ROBO1: variants seen among roughly 807,000 people sequenced by gnomAD.
ROBO1 encodes roundabout guidance receptor 1, also known as roundabout homolog 1.
In ROBO1, 149 loss-of-function variants were observed where a neutral mutation model predicts 195.9. That is an observed-to-expected ratio of 0.76 (90% CI 0.67 to 0.87). ROBO1 has a LOEUF of 0.87. ROBO1 is among the 40% of genes least tolerant of loss of function. ROBO1 has a pLI of 0.00. For synonymous variants in ROBO1, 816 were observed against 733.2 expected, an observed-to-expected ratio of 1.11 and a Z score of -1.82; for missense variants, 1,933 against 2,068.3, an observed-to-expected ratio of 0.93 and a Z score of 1.27.
chr3:78,689,412 C>T (rs560126073), intron 8 of ROBO1, among the ~76,000 whole-genome samples: 28 of 152,018 alleles, frequency 1.8e-4, no homozygotes, highest in African/African-American at 6.8e-4. Context: ...TTGATTTAAA[C>T]CGATTTAAAT....
intron 3 of ROBO1, among the ~76,000 whole-genome samples, chr3:79,052,551 C>T (rs115902920): frequency 0.032 from 4,883 of 152,146 alleles, 106 homozygotes; most frequent in Middle Eastern, 0.068. Flanking sequence ...CCTTTTGAAA[C>T]TCCTAATAGA....
intron 8 of ROBO1, among the ~76,000 whole-genome samples, chr3:78,702,059 A>G (rs1485339282): frequency 6.6e-6 from 1 of 152,210 alleles, no homozygotes; most frequent in East Asian, 1.9e-4. Flanking sequence ...ATTTTTAAAA[A>G]CTAAAAAAGA....
chr3:79,003,631 C>A (rs548724018), intron 3 of ROBO1, among the ~76,000 whole-genome samples: 1 of 152,160 alleles, frequency 6.6e-6, no homozygotes, highest in East Asian at 1.9e-4. Flanking sequence ...AGAAATTGTA[C>A]GCATTTTACT....
chr3:79,279,359 T>C (rs2031323364), intron 2 of ROBO1, among the ~76,000 whole-genome samples: 1 of 152,056 alleles, frequency 6.6e-6, no homozygotes, highest in African/African-American at 2.4e-5. Context: ...ATAGAAGGCA[T>C]ACAAATGGCC....
At position 78,985,219 on chromosome 3, in the gene ROBO1, G is replaced by A. The variant is rs182845390; in HGVS notation, c.173-46292C>T. ...GGAGGCTGAGGTGGGAGGATCGCTTGAGCCCAAAAAGTTGAGGCTGCAATG... is the reference window on the plus strand; with the variant it reads ...GGAGGCTGAGGTGGGAGGATCGCTTAAGCCCAAAAAGTTGAGGCTGCAATG... On this transcript the variant is annotated intron_variant, in intron 3 of 30. Coordinates refer to ENST00000464233, the MANE Select transcript of ROBO1 (RefSeq NM_002941.4). Among the ~76,000 whole-genome samples the A allele has an allele frequency of 3.4e-4, 51 of 152,122 alleles. No homozygotes were observed. In the East Asian group the frequency reaches 9.5e-3, roughly 28 times the overall value.
intron 8 of ROBO1, among the ~76,000 whole-genome samples, chr3:78,710,964 T>C (rs933504908): frequency 2.0e-5 from 3 of 152,234 alleles, no homozygotes; most frequent in African/African-American, 4.8e-5. Context: ...ACTTAACAAG[T>C]AACTTCCGGT....
intron 2 of ROBO1, among the ~76,000 whole-genome samples, chr3:79,390,545 C>T (rs899603332): frequency 6.6e-6 from 1 of 152,106 alleles, no homozygotes; most frequent in African/African-American, 2.4e-5. Flanking sequence ...GGTGTGACGT[C>T]ATGGAAGCCA....
At chr3:79,552,268 A>G (rs1335798277) in intron 2 of ROBO1, among the ~76,000 whole-genome samples, 1 of 152,066 alleles carries the variant, frequency 6.6e-6, no homozygotes, top group East Asian at 1.9e-4. Flanking sequence ...ATATTAACAT[A>G]TTAAAGATGC....
intron 4 of ROBO1, among the ~76,000 whole-genome samples, chr3:78,882,176 A>G (rs1422532382): frequency 6.6e-6 from 1 of 152,148 alleles, no homozygotes; most frequent in Non-Finnish European, 1.5e-5. Flanking sequence ...GTAGAGATAC[A>G]GGGCTACATT....
rs948747095 is a variant in ROBO1 at position 79,537,714 on chromosome 3, A to G, written c.88+52110T>C. 2.6e-5 allele frequency among the ~76,000 whole-genome samples: 4 copies of G among 151,986 alleles called. No individual in the cohort carries two copies. In the East Asian group the frequency reaches 7.8e-4, roughly 29 times the overall value. On this transcript the variant is annotated intron_variant, in intron 2 of 30. Transcript: ENST00000464233. ...AACACGAGGACATAGGGAGGGGAAC[A>G]TCACACACGGGGTCCTGTTGGGGGA...
At chr3:79,174,644 G>GAAT (rs1371162545) in intron 2 of ROBO1, among the ~76,000 whole-genome samples, 2 of 151,728 alleles carry the variant, frequency 1.3e-5, no homozygotes, top group Non-Finnish European at 2.9e-5. Context: ...AGCAAACGGT[G>GAAT]AATACATTTG....
chr3:78,666,839 C>T (rs1575878990), intron 14 of ROBO1, among the ~76,000 whole-genome samples: 1 of 152,150 alleles, frequency 6.6e-6, no homozygotes, highest in Non-Finnish European at 1.5e-5. Flanking sequence ...AAGTCTCAGT[C>T]ATCTTGTGTA....
At chr3:79,686,368 C>A (rs1168358061) in intron 1 of ROBO1, among the ~76,000 whole-genome samples, 1 of 152,058 alleles carries the variant, frequency 6.6e-6, no homozygotes, top group East Asian at 1.9e-4. Flanking sequence ...AAGTTCTGGC[C>A]AGGGCAATTA....
chr3:79,535,066 A>G (rs1314809349), intron 2 of ROBO1, among the ~76,000 whole-genome samples: 1 of 103,956 alleles, frequency 9.6e-6, no homozygotes, highest in Non-Finnish European at 2.2e-5. Flanking sequence ...ACTAATCCCC[A>G]AATGCCTTAT....
At chr3:79,346,283 A>G (rs2035116531) in intron 2 of ROBO1, among the ~76,000 whole-genome samples, 1 of 152,104 alleles carries the variant, frequency 6.6e-6, no homozygotes, top group Non-Finnish European at 1.5e-5. Flanking sequence ...TCAAGATATT[A>G]TGGCTATGTT....
intron 2 of ROBO1, among the ~76,000 whole-genome samples, chr3:79,332,159 A>AG (rs1312663043): frequency 6.6e-6 from 1 of 151,452 alleles, no homozygotes; most frequent in Non-Finnish European, 1.5e-5. Flanking sequence ...AGAAAAAAAA[A>AG]AAAAAAAGAA....
intron 4 of ROBO1, among the ~76,000 whole-genome samples, chr3:78,858,072 C>T (rs565604087): frequency 1.3e-5 from 2 of 152,100 alleles, no homozygotes; most frequent in Non-Finnish European, 2.9e-5. Flanking sequence ...AGCTAACTCA[C>T]CACCCCACCT....
chr3:79,680,146 A>T (rs975795115), intron 1 of ROBO1, among the ~76,000 whole-genome samples: 1 of 152,020 alleles, frequency 6.6e-6, no homozygotes, highest in Non-Finnish European at 1.5e-5. Flanking sequence ...CTCTCTCCAA[A>T]TAACAAGGAA....
intron 1 of ROBO1, among the ~76,000 whole-genome samples, chr3:79,666,874 T>A (rs887290575): frequency 6.6e-6 from 1 of 151,934 alleles, no homozygotes; most frequent in Non-Finnish European, 1.5e-5. Context: ...TTATATTGAC[T>A]TGGTGAAAAT....
Sources: gnomAD v4.1 joint callset for allele counts (sites outside exome capture counted in the v4.1 genomes callset) on GRCh38, gnomAD v4.1.1 for gene constraint, MANE v1.5 for transcripts, NCBI Gene and HGNC (gene_info 2026-07-23, HGNC 2026-07-21) for gene names.